SLCO3A1: variants seen among roughly 807,000 people sequenced by gnomAD.
SLCO3A1 encodes PGE1 transporter.
In SLCO3A1, 27 loss-of-function variants were observed where a neutral mutation model predicts 63.1. That is an observed-to-expected ratio of 0.43 (90% CI 0.32 to 0.59). SLCO3A1 has a LOEUF of 0.59. SLCO3A1 is among the 20% of genes least tolerant of loss of function. SLCO3A1 has a pLI of 0.09. For missense variants in SLCO3A1, 773 were observed against 945.8 expected, an observed-to-expected ratio of 0.82 and a Z score of 2.40; for synonymous variants, 473 against 409.9, an observed-to-expected ratio of 1.15 and a Z score of -1.86.
intron 2 of SLCO3A1, among the ~76,000 whole-genome samples, chr15:92,039,760 G>A (rs933400632): frequency 3.3e-5 from 5 of 152,088 alleles, no homozygotes; most frequent in East Asian, 1.9e-4. Flanking sequence ...GAAGACACAC[G>A]CACATGTATG....
rs116814506 is a variant in SLCO3A1 at position 92,113,157 on chromosome 15, C to T, written c.1010-7308C>T. ...CTGCCTCCCAGGCTCCTTTCTTCAT[C>T]TCTGTGATCCCGAGCGGAGCCTGCG... On this transcript the variant is annotated intron_variant, in intron 4 of 9. Coordinates refer to ENST00000318445, the MANE Select transcript of SLCO3A1 (RefSeq NM_013272.4). 6.6e-3 allele frequency among the ~76,000 whole-genome samples: 1,001 copies of T among 152,320 alleles called. 13 individuals carry two copies. Among genetic ancestry groups the T allele is most frequent in the African/African-American group, 0.023 (949 of 41,572 alleles).
intron 1 of SLCO3A1, among the ~76,000 whole-genome samples, chr15:91,864,342 A>G (rs1388133676): frequency 6.6e-6 from 1 of 152,236 alleles, no homozygotes; most frequent in Non-Finnish European, 1.5e-5. Flanking sequence ...ATTCGCTGGC[A>G]GGTATAAGCA....
At chr15:92,073,995 C>T (rs544165834) in intron 2 of SLCO3A1, among the ~76,000 whole-genome samples, 1 of 152,254 alleles carries the variant, frequency 6.6e-6, no homozygotes, top group Admixed American at 6.5e-5. Flanking sequence ...ATGGTGAAAC[C>T]CCCGTCTCTA....
intron 1 of SLCO3A1, among the ~76,000 whole-genome samples, chr15:91,864,349 A>T (rs1897116391): frequency 6.6e-6 from 1 of 152,218 alleles, no homozygotes; most frequent in Non-Finnish European, 1.5e-5. Context: ...GGCAGGTATA[A>T]GCAGGTGAGC....
intron 2 of SLCO3A1, among the ~76,000 whole-genome samples, chr15:92,021,173 G>A (rs776993245): frequency 4.5e-4 from 68 of 152,100 alleles, no homozygotes; most frequent in African/African-American, 1.4e-3. Context: ...CACATTTTTG[G>A]GTGGCCCAGA....
At chr15:91,890,776 C>G (rs566737050) in intron 1 of SLCO3A1, among the ~76,000 whole-genome samples, 5 of 152,292 alleles carry the variant, frequency 3.3e-5, no homozygotes, top group Non-Finnish European at 7.4e-5. Flanking sequence ...ACCTTCCAGC[C>G]AGCCAATCCA....
rs902602063 is a variant in SLCO3A1 at position 91,950,976 on chromosome 15, A to G, written c.646+34518A>G. ...CAGGTGAGCTGAAGCTATTGTGTGT[A>G]TTCTCTTAGTAAAGTCAGTTCCCAC... On this transcript the variant is annotated intron_variant, in intron 2 of 9. Transcript: ENST00000318445. The surrounding 1 kb of genome is among the most constrained non-coding windows in gnomAD (Gnocchi z 4.4). Among the ~76,000 whole-genome samples the G allele has an allele frequency of 2.0e-5, 3 of 152,074 alleles. No individual in the cohort carries two copies. The highest frequency in any genetic ancestry group is 4.4e-5 in the Non-Finnish European group (3 of 68,020).
chr15:92,043,287 G>A (rs532715714), intron 2 of SLCO3A1, among the ~76,000 whole-genome samples: 20 of 152,292 alleles, frequency 1.3e-4, no homozygotes, highest in African/African-American at 3.6e-4. Flanking sequence ...TTTCATGGAC[G>A]GCATTGCCCA....
intron 5 of SLCO3A1, among the ~76,000 whole-genome samples, chr15:92,121,175 C>A (rs2047858963): frequency 6.6e-6 from 1 of 152,196 alleles, no homozygotes; most frequent in African/African-American, 2.4e-5. Flanking sequence ...AGTTGACATA[C>A]TAAAGAAAAC....
At chr15:92,087,071 T>C (rs62008612) in intron 2 of SLCO3A1, among the ~76,000 whole-genome samples, 45 of 152,130 alleles carry the variant, frequency 3.0e-4, no homozygotes, top group Admixed American at 7.9e-4. Flanking sequence ...ATGTTTTCCT[T>C]TTCACCCTTA....
At chr15:92,040,737 G>A (rs2046787269) in intron 2 of SLCO3A1, among the ~76,000 whole-genome samples, 1 of 152,148 alleles carries the variant, frequency 6.6e-6, no homozygotes, top group Non-Finnish European at 1.5e-5. Flanking sequence ...GGGTGGGTCA[G>A]GTGAGGTGGT....
rs572274543 is a variant in SLCO3A1 at position 92,020,385 on chromosome 15, C to G, written c.647-74496C>G. ...TCTGTCAACTCAATGGATTAATAGT[C>G]TAATCTCAGCCAATTTGTTTGGCAG... On this transcript the variant is annotated intron_variant, in intron 2 of 9. Coordinates refer to ENST00000318445, the MANE Select transcript of SLCO3A1 (RefSeq NM_013272.4). Among the ~76,000 whole-genome samples the G allele has an allele frequency of 6.6e-5, 10 of 152,320 alleles. No individual in the cohort carries two copies. In the South Asian group the frequency reaches 1.9e-3, roughly 28 times the overall value.
intron 1 of SLCO3A1, among the ~76,000 whole-genome samples, chr15:91,880,158 C>CTATCTATCTATCT (rs1555446402): frequency 1.1e-4 from 15 of 130,826 alleles, no homozygotes; most frequent in African/African-American, 4.0e-4. Flanking sequence ...TCCATCCATC[C>CTATCTATCTATCT]ATCCATCCAT....
rs914164616 is a variant in SLCO3A1 at position 91,883,885 on chromosome 15, C to T, written c.180+29797C>T. On this transcript the variant is annotated intron_variant, in intron 1 of 9. Coordinates refer to ENST00000318445, the MANE Select transcript of SLCO3A1 (RefSeq NM_013272.4). This position sits in a 1 kb window ranked among gnomAD's most constrained non-coding sequence, Gnocchi z 4.8. ...CATTTCTTCTGCTGTCCTTTTCATC[C>T]TCACACTGAGATGCTTGCAGAAACA... is the stretch of plus-strand genomic sequence containing the variant. Among the ~76,000 whole-genome samples the T allele has an allele frequency of 6.6e-6, 1 of 152,168 alleles. No individual in the cohort carries two copies. The highest frequency in any genetic ancestry group is 2.4e-5 in the African/African-American group (1 of 41,432).
intron 2 of SLCO3A1, among the ~76,000 whole-genome samples, chr15:92,028,876 A>G (rs1488700482): frequency 7.3e-6 from 1 of 136,240 alleles, no homozygotes; most frequent in Non-Finnish European, 1.5e-5. Context: ...CAGTTAGGAG[A>G]TCTTGACGTT....
chr15:92,121,362 AACAG>A (rs1178131788), intron 5 of SLCO3A1, among the ~76,000 whole-genome samples: 1 of 152,238 alleles, frequency 6.6e-6, no homozygotes, highest in Non-Finnish European at 1.5e-5. Context: ...ACACAACAGC[AACAG>A]ACATAGCAGT....
At position 92,143,560 on chromosome 15, in the gene SLCO3A1, A is replaced by G. The variant is rs541136874; in HGVS notation, c.1513-3424A>G. Among the ~76,000 whole-genome samples, 317 of 126,324 alleles carry G rather than the reference A, an allele frequency of 2.5e-3. 1 individual carries two copies. The highest frequency in any genetic ancestry group is 4.1e-3 in the Non-Finnish European group (261 of 63,158). 82.9% of individuals were successfully genotyped at this position (126,324 alleles called of 152,430 possible). A position where few individuals can be genotyped will look rare whatever the true frequency, so the allele number is the denominator to read the frequency against. On this transcript the variant is annotated intron_variant, in intron 7 of 9. Coordinates refer to ENST00000318445, the MANE Select transcript of SLCO3A1 (RefSeq NM_013272.4). ...GCTGGGTAAATTAGGGAATACGGCC[A>G]CAGTGGTCTCTGTCTTCATTAGCTT...
intron 2 of SLCO3A1, among the ~76,000 whole-genome samples, chr15:92,044,582 C>T (rs1378237797): frequency 1.3e-5 from 2 of 152,080 alleles, no homozygotes; most frequent in Non-Finnish European, 2.9e-5. Flanking sequence ...TCCTCCAGAT[C>T]CCATCACGGT....
At chr15:92,138,247 C>T (rs1350765177) in intron 7 of SLCO3A1, among the ~76,000 whole-genome samples, 1 of 97,180 alleles carries the variant, frequency 1.0e-5, no homozygotes, top group Non-Finnish European at 1.9e-5. Context: ...TTCCCCATTG[C>T]TTGTTTTTCT....
Sources: gnomAD v4.1 joint callset for allele counts (sites outside exome capture counted in the v4.1 genomes callset) on GRCh38, gnomAD v4.1.1 for gene constraint, Gnocchi (gnomAD v3.1) non-coding constraint, MANE v1.5 for transcripts, NCBI Gene and HGNC (gene_info 2026-07-23, HGNC 2026-07-21) for gene names.